The following CPLANE1 variants were observed in gnomAD, a reference collection of about 807,000 sequenced individuals.
The protein encoded by CPLANE1 is ciliogenesis and planar polarity effector 1.
CPLANE1 carries 263 observed loss-of-function variants against 362.5 expected under a neutral mutation model. That is an observed-to-expected ratio of 0.73 (90% confidence interval 0.66 to 0.80). The LOEUF (loss-of-function observed/expected upper bound fraction) is 0.80. Among genes scored for constraint, CPLANE1 ranks in the 30% least tolerant of loss-of-function variants. The pLI is 0.00. For synonymous variants in CPLANE1, 1,212 were observed against 1,302.6 expected (o/e 0.93, Z 1.50); for missense variants, 3,461 against 3,793.4 (o/e 0.91, Z 2.30).
chr5:37,210,870 CG>C (rs1792406643), intron 16 of CPLANE1: 2 of 801,192 alleles, frequency 2.5e-6, no homozygotes, highest in South Asian at 2.7e-5. Context: ...GTTCGAAAGC[CG>C]CAAACAAGCT....
At chr5:37,093,052 C>T in the CPLANE1 span, among the ~76,000 whole-genome samples, 4 of 152,112 alleles carry the variant, frequency 2.6e-5, no homozygotes, top group Non-Finnish European at 5.9e-5. Flanking sequence ...GGATCCTCTG[C>T]CCTTGCCACC....
intron 31 of CPLANE1, among the ~76,000 whole-genome samples, chr5:37,175,364 TGAA>T (rs1299084763): frequency 6.6e-6 from 1 of 152,206 alleles, no homozygotes; most frequent in African/African-American, 2.4e-5. Context: ...CAACATTTTG[TGAA>T]GAAGGTCTCC....
At chr5:37,141,212 C>T (rs1188847252) in intron 44 of CPLANE1, 1 of 985,214 alleles carries the variant, frequency 1.0e-6, no homozygotes, top group Non-Finnish European at 1.2e-6. Context: ...CTCAAAACCT[C>T]CTTGTTTTAC....
At chr5:37,184,157 C>CT (rs1378386520) in intron 25 of CPLANE1, among the ~76,000 whole-genome samples, 1 of 152,138 alleles carries the variant, frequency 6.6e-6, no homozygotes, top group Non-Finnish European at 1.5e-5. Context: ...CAAGACTGAC[C>CT]TTTTTTGTTT....
At position 37,239,801 on chromosome 5, in the gene CPLANE1, T is replaced by G. The variant is rs1428450883; in HGVS notation, c.746A>C (p.Glu249Ala). Reference sequence around the variant, plus strand: ...TAGAGCTCCTCTTGACTTTACTGATTCACATTTAGGAATTAAACTACAGAG... The same window carrying G: ...TAGAGCTCCTCTTGACTTTACTGATGCACATTTAGGAATTAAACTACAGAG... ...CHLCSLIPKC[E>A]SVKSRGALIS... The change falls in exon 7 of 53, where the codon GAA becomes GCA. Residue 249 changes from glutamate (E) to alanine (A), a missense_variant. Glu to Ala is a moderately radical substitution (Grantham distance 107). This residue lies in a region of CPLANE1 where 3,380 missense variants were observed against 3,666.1 expected (regional missense o/e 0.92). Coordinates refer to ENST00000651892, the MANE Select transcript of CPLANE1 (RefSeq NM_001384732.1). 7 of 1,546,942 alleles carry G rather than the reference T, an allele frequency of 4.5e-6. No homozygotes were observed. Among genetic ancestry groups the G allele is most frequent in the Admixed American group, 3.9e-5 (2 of 50,910 alleles).
At chr5:37,132,350 T>TTC (rs1271765932) in intron 46 of CPLANE1, among the ~76,000 whole-genome samples, 1 of 139,704 alleles carries the variant, frequency 7.2e-6, no homozygotes, top group Non-Finnish European at 1.6e-5. Context: ...TTTTTTTTTT[T>TTC]TTTTTTTTTT....
At chr5:37,248,521 C>T (rs1036366880) in intron 1 of CPLANE1, among the ~76,000 whole-genome samples, 2 of 152,016 alleles carry the variant, frequency 1.3e-5, no homozygotes, top group African/African-American at 4.8e-5. Context: ...TATCAAGATG[C>T]TAGCTATCAG....
At chr5:37,223,584 C>T (rs1795806470) in intron 14 of CPLANE1, among the ~76,000 whole-genome samples, 1 of 152,220 alleles carries the variant, frequency 6.6e-6, no homozygotes, top group Non-Finnish European at 1.5e-5. Flanking sequence ...TCCAGGGTCA[C>T]CAGCTGAGAA....
chr5:37,101,382 G>A (rs927923088), downstream of CPLANE1, among the ~76,000 whole-genome samples: 4 of 152,112 alleles, frequency 2.6e-5, no homozygotes, highest in Admixed American at 2.0e-4. Context: ...CTTTCATTCT[G>A]TTTATGTGAT....
rs1738819609 is a variant in CPLANE1 at position 37,244,483 on chromosome 5, G to C, written c.462C>G (p.Ser154Arg). 7.1e-6 allele frequency: 11 copies of C among 1,551,648 alleles called. No individual in the cohort carries two copies. Among genetic ancestry groups the C allele is most frequent in the South Asian group, 5.9e-5 (5 of 84,040 alleles). ...GGGACCACCGACCCGCCAATGAAAGGCTTTTAGAAGATAAGATATTCTTTA... is the reference window on the plus strand; with the variant it reads ...GGGACCACCGACCCGCCAATGAAAGCCTTTTAGAAGATAAGATATTCTTTA... The part of the protein sequence containing the change: ...LELKNILSSK[S>R]LSLAGRWSQV... Residue 154 changes from serine to arginine, a missense_variant, in exon 5 of 53, where the codon AGC becomes AGG. Physicochemically the swap from Ser to Arg is moderately radical, Grantham distance 110. This residue lies in a region of CPLANE1 where 3,380 missense variants were observed against 3,666.1 expected (regional missense o/e 0.92). Coordinates refer to ENST00000651892, the MANE Select transcript of CPLANE1 (RefSeq NM_001384732.1).
chr5:37,175,465 AT>A (rs1281862226), intron 31 of CPLANE1, among the ~76,000 whole-genome samples: 1 of 152,022 alleles, frequency 6.6e-6, no homozygotes, highest in African/African-American at 2.4e-5. Context: ...AACTATGAAA[AT>A]TTTTTTCTGA....
chr5:37,080,900 G>A, the CPLANE1 span, among the ~76,000 whole-genome samples: 1 of 152,188 alleles, frequency 6.6e-6, no homozygotes, highest in South Asian at 2.1e-4. Context: ...AACCTGGCAC[G>A]CACTTACCAC....
rs76322723 is a variant in CPLANE1, at chr5:37,140,844, T to G, written c.8632+1466A>C. The G allele has an allele frequency of 3.1e-4, 300 of 981,652 alleles. 4 individuals are homozygous for G. The African/African-American group carries it at 5.1e-3, about 17-fold the overall frequency. 60.8% of individuals were successfully genotyped at this position (981,652 alleles called of 1,614,324 possible). A position where few individuals can be genotyped will look rare whatever the true frequency, so the allele number is the denominator to read the frequency against. On this transcript the variant is annotated intron_variant, in intron 44 of 52. Coordinates refer to ENST00000651892, the MANE Select transcript of CPLANE1 (RefSeq NM_001384732.1). ...AAACGTTCTTAAAACATTATGAGATTTATGCATGGACTTTTTTTTTTTTTC... is the reference window on the plus strand; with the variant it reads ...AAACGTTCTTAAAACATTATGAGATGTATGCATGGACTTTTTTTTTTTTTC...
chr5:37,122,333 AAG>A, intron 48 of CPLANE1, 95 bp downstream of exon 48: 1 of 920,218 alleles, frequency 1.1e-6, no homozygotes, highest in Non-Finnish European at 1.7e-6. Context: ...ATTGACAAAA[AAG>A]AGACTATTGT....
rs886060587 is a variant in CPLANE1 at position 37,244,584 on chromosome 5, A to G, written c.361T>C (p.Tyr121His). Residue 121 changes from tyrosine to histidine, a missense_variant, in exon 5 of 53, where the codon TAT (tyrosine) becomes CAT (histidine). By Grantham distance (83) the Tyr-to-His change is moderately conservative (BLOSUM62 2). This residue lies in a region of CPLANE1 where 3,380 missense variants were observed against 3,666.1 expected (regional missense o/e 0.92). Coordinates refer to ENST00000651892, the MANE Select transcript of CPLANE1 (RefSeq NM_001384732.1). The part of the protein sequence containing the change: ...TVASSLRLYL[Y>H]VSGNGKRIVL... ...ATTCTTTTCCCATTTCCAGATACAT[A>G]CAAGTACAGTCTCAAAGAGCTTGCT... 1.3e-6 allele frequency: 2 copies of G among 1,550,578 alleles called. No individual in the cohort carries two copies. Among genetic ancestry groups the G allele is most frequent in the Non-Finnish European group, 1.7e-6 (2 of 1,146,562 alleles).
At chr5:37,125,693 A>G (rs531582255) in intron 46 of CPLANE1, among the ~76,000 whole-genome samples, 6 of 152,308 alleles carry the variant, frequency 3.9e-5, no homozygotes, top group African/African-American at 1.2e-4. Flanking sequence ...AGAAAACTAT[A>G]TAGCCTCCTG....
Position 37,185,071 on chromosome 5 carries a change from T to G in CPLANE1, c.4198A>C (p.Thr1400Pro). The part of the protein sequence containing the change: ...LRHCVVKGPQ[T>P]EEMMSVVMHS... ...ATGACAACAGACATCATTTCCTCAGTCTGGGGTCCTGGAAAGAAAAGAATA... is the reference window on the plus strand; with the variant it reads ...ATGACAACAGACATCATTTCCTCAGGCTGGGGTCCTGGAAAGAAAAGAATA... Residue 1400 changes from threonine to proline, a missense_variant, in exon 25 of 53, where the codon ACT becomes CCT. Transcript: ENST00000651892. 2.5e-6 allele frequency: 4 copies of G among 1,601,800 alleles called. No individual in the cohort carries two copies. The highest frequency in any genetic ancestry group is 3.4e-6 in the Non-Finnish European group (4 of 1,176,358).
At chr5:37,182,663 T>C in intron 26 of CPLANE1, 97 bp downstream of exon 26, 2 of 775,276 alleles carry the variant, frequency 2.6e-6, no homozygotes, top group South Asian at 2.0e-5. Flanking sequence ...TAATTTTCTA[T>C]TATTTAATGA....
At chr5:37,145,232 G>A (rs1771172785) in intron 43 of CPLANE1, among the ~76,000 whole-genome samples, 1 of 152,108 alleles carries the variant, frequency 6.6e-6, no homozygotes. Flanking sequence ...TTGAATCTGG[G>A]AGGCAGTGGT....
Sources: allele counts gnomAD v4.1 joint callset (sites outside exome capture counted in the v4.1 genomes callset), GRCh38; gene constraint gnomAD v4.1.1; regional missense constraint gnomAD v4.1.1; transcripts MANE v1.5; gene names NCBI Gene and HGNC (gene_info 2026-07-23, HGNC 2026-07-21).